The following OR14J1 variants were observed in gnomAD, a reference collection of about 807,000 sequenced individuals.
OR14J1 encodes olfactory receptor 14J1.
For synonymous variants in OR14J1, 140 were observed against 146.7 expected (o/e 0.95, Z 0.33); for missense variants, 378 against 393.4 (o/e 0.96, Z 0.33).
Position 29,307,509 on chromosome 6 carries a change from G to A in OR14J1, c.820G>A (p.Val274Ile), listed in dbSNP as rs765524812. 5.4e-5 allele frequency: 87 copies of A among 1,612,614 alleles called. No homozygotes were observed. The highest frequency in any genetic ancestry group is 3.3e-4 in the Middle Eastern group (2 of 6,082). ...ATCGACTGTGGACCTTGTATTCTCC[G>A]TATTCTATACTGTGATACCTCCAAC... ...SSSTVDLVFS[V>I]FYTVIPPTLN... is the part of the protein sequence containing the mutation. The change falls in exon 2 of 2, where the codon GTA (valine) becomes ATA (isoleucine). Residue 274 changes from valine (V) to isoleucine (I), a missense_variant. Val to Ile is a conservative substitution (Grantham distance 29). Coordinates refer to ENST00000641895, the MANE Select transcript of OR14J1 (RefSeq NM_030946.2).
intron 1 of OR14J1, among the ~76,000 whole-genome samples, chr6:29,304,100 C>T (rs1459480745): frequency 6.6e-6 from 1 of 152,054 alleles, no homozygotes; most frequent in Admixed American, 6.6e-5. Context: ...AACTGAGGGG[C>T]TTAACATATA....
intron 1 of OR14J1, among the ~76,000 whole-genome samples, chr6:29,302,569 A>C (rs1774792016): frequency 6.6e-6 from 1 of 152,008 alleles, no homozygotes; most frequent in Non-Finnish European, 1.5e-5. Context: ...AACCTGATTG[A>C]TTTATTAAGA....
In OR14J1 at chr6:29,308,160, AT is replaced by A. The variant is rs1355171115; in HGVS notation, c.*506del. ...AGAAAACAACTCTTCTAGCTATAACATATTGTCCCCATTTTGCCAATAGGAA... is the reference window on the plus strand; with the variant it reads ...AGAAAACAACTCTTCTAGCTATAACAATTGTCCCCATTTTGCCAATAGGAA... On this transcript the variant is annotated 3_prime_UTR_variant, in exon 2 of 2. Transcript: ENST00000641895. The A allele has an allele frequency of 6.6e-6, 1 of 152,226 alleles. No individual in the cohort carries two copies. The highest frequency in any genetic ancestry group is 2.4e-5 in the African/African-American group (1 of 41,452). 9.4% of individuals were successfully genotyped at this position (152,226 alleles called of 1,614,324 possible).
Position 29,311,415 on chromosome 6 carries a change from A to G in OR14J1, c.*3760A>G, listed in dbSNP as rs1775504780. ...TCTGTTTATGTGATAGATTCCATTT[A>G]TTGATTTGCATATTTGAATCAGCTT... On this transcript the variant is annotated 3_prime_UTR_variant, in exon 2 of 2. Transcript: ENST00000641895. The G allele has an allele frequency of 6.6e-6, 1 of 152,174 alleles. No individual in the cohort carries two copies. The allele number at this position is 152,174 out of a possible 1,614,324, so 9.4% of individuals were successfully genotyped here. A position where few individuals can be genotyped will look rare whatever the true frequency, so the allele number is the denominator to read the frequency against.
At chr6:29,303,730 CT>C (rs374362691) in intron 1 of OR14J1, among the ~76,000 whole-genome samples, 2 of 141,160 alleles carry the variant, frequency 1.4e-5, no homozygotes, top group African/African-American at 2.7e-5. Flanking sequence ...ATCTATCTAT[CT>C]ATCATCTATC....
chr6:29,310,673 G>A lies in OR14J1; in HGVS notation c.*3018G>A, dbSNP rs191697462. 2 of 152,138 alleles carry A rather than the reference G, an allele frequency of 1.3e-5. No homozygotes were observed. Among genetic ancestry groups the A allele is most frequent in the Admixed American group, 6.5e-5 (1 of 15,280 alleles). 9.4% of individuals were successfully genotyped at this position (152,138 alleles called of 1,614,324 possible). On this transcript the variant is annotated 3_prime_UTR_variant, in exon 2 of 2. Transcript: ENST00000641895. ...AGAAAGTCAATGGTAACTTGATGGG[G>A]ATAGCATTGAATCTATAAATTACTT... is the stretch of plus-strand genomic sequence containing the variant.
At chr6:29,306,605 C>A (rs1225462018) in intron 1 of OR14J1, 57 bp from the exon 2 acceptor site, 2 of 796,542 alleles carry the variant, frequency 2.5e-6, no homozygotes, top group South Asian at 1.6e-5. Flanking sequence ...TTACTTGACA[C>A]ACAAATATAT....
chr6:29,307,028 C>T lies in OR14J1; in HGVS notation c.339C>T (p.Leu113=), dbSNP rs1458424905. 1 of 1,613,062 alleles carries T rather than the reference C, an allele frequency of 6.2e-7. No individual in the cohort carries two copies. The highest frequency in any genetic ancestry group is 8.5e-7 in the Non-Finnish European group (1 of 1,180,018). The change falls in exon 2 of 2, where the codon CTC becomes CTT. Residue 113 remains leucine (L), a synonymous_variant. Transcript: ENST00000641895. ...TGGCCTCATCAGAAGTGGCCATTCT[C>T]ACAGTGATGTCTTATGACAGGTACG... The part of the protein sequence containing the change: ...IALASSEVAI[L]TVMSYDRYAA...
chr6:29,302,772 T>A (rs1774803666), intron 1 of OR14J1, among the ~76,000 whole-genome samples: 1 of 152,238 alleles, frequency 6.6e-6, no homozygotes, highest in Admixed American at 6.5e-5. Context: ...CAAGATGTGA[T>A]CTGCATCACC....
Position 29,307,072 on chromosome 6 carries a change from T to C in OR14J1, c.383T>C (p.Leu128Pro). 2 of 1,613,078 alleles carry C rather than the reference T, an allele frequency of 1.2e-6. No homozygotes were observed. Among genetic ancestry groups the C allele is most frequent in the Non-Finnish European group, 1.7e-6 (2 of 1,180,032 alleles). Reference protein sequence around the residue: ...YDRYAAICQPLHYETIMDPRA... With the variant: ...YDRYAAICQPPHYETIMDPRA... ...AGGTACGCAGCAATCTGTCAACCAC[T>C]TCATTATGAGACTATTATGGATCCC... is the stretch of plus-strand genomic sequence containing the variant. The change falls in exon 2 of 2, where the codon CTT (leucine) becomes CCT (proline). Residue 128 changes from leucine to proline, a missense_variant. Coordinates refer to ENST00000641895, the MANE Select transcript of OR14J1 (RefSeq NM_030946.2).
At position 29,308,745 on chromosome 6, in the gene OR14J1, G is replaced by A. The variant is rs951184884; in HGVS notation, c.*1090G>A. ...AGTAAATCAAAGTGCATGTTTTAAT[G>A]ACAAAGGGAATAAGCAATTGCTCAG... On this transcript the variant is annotated 3_prime_UTR_variant, in exon 2 of 2. Transcript: ENST00000641895. The A allele has an allele frequency of 2.0e-5, 3 of 152,160 alleles. No individual in the cohort carries two copies. The highest frequency in any genetic ancestry group is 4.8e-5 in the African/African-American group (2 of 41,438). 9.4% of individuals were successfully genotyped at this position (152,160 alleles called of 1,614,324 possible).
Position 29,308,347 on chromosome 6 carries a change from T to G in OR14J1, c.*692T>G, listed in dbSNP as rs2151196497. 6.6e-6 allele frequency: 1 copy of G among 152,218 alleles called. No homozygotes were observed. Among genetic ancestry groups the G allele is most frequent in the East Asian group, 1.9e-4 (1 of 5,186 alleles). 9.4% of individuals were successfully genotyped at this position (152,218 alleles called of 1,614,324 possible). ...ATTACCCAAATGTGAGTGTGTATGT[T>G]TATGTGTGTGTGTGATGTGTATAAT... is the stretch of plus-strand genomic sequence containing the variant. On this transcript the variant is annotated 3_prime_UTR_variant, in exon 2 of 2. Coordinates refer to ENST00000641895, the MANE Select transcript of OR14J1 (RefSeq NM_030946.2).
chr6:29,302,212 T>G (rs1159541360), intron 1 of OR14J1, among the ~76,000 whole-genome samples: 1 of 134,480 alleles, frequency 7.4e-6, no homozygotes, highest in Non-Finnish European at 1.6e-5. Context: ...CGAGTCTCGC[T>G]CTGTCACCCA....
In OR14J1 at chr6:29,310,738, A is replaced by G. The variant is rs1775446647; in HGVS notation, c.*3083A>G. 6.6e-6 allele frequency: 1 copy of G among 152,068 alleles called. No individual in the cohort carries two copies. Among genetic ancestry groups the G allele is most frequent in the South Asian group, 2.1e-4 (1 of 4,816 alleles). The allele number at this position is 152,068 out of a possible 1,614,324, so 9.4% of individuals were successfully genotyped here. On this transcript the variant is annotated 3_prime_UTR_variant, in exon 2 of 2. Coordinates refer to ENST00000641895, the MANE Select transcript of OR14J1 (RefSeq NM_030946.2). ...ATTTTTCATGATATTTATTCTTCCT[A>G]CCCATGAGGATGGAATGTTTTTCCA...
chr6:29,312,090 T>G lies in OR14J1; in HGVS notation c.*4435T>G, dbSNP rs1335629931. On this transcript the variant is annotated 3_prime_UTR_variant, in exon 2 of 2. Transcript: ENST00000641895. The stretch of plus-strand genomic sequence containing the variant: ...TTCATTGATTTTTTGAATTTTTTTG[T>G]GTGTGTCTCTATCTCCTTCATTTCT... 6.6e-6 allele frequency: 1 copy of G among 152,164 alleles called. No homozygotes were observed. Among genetic ancestry groups the G allele is most frequent in the African/African-American group, 2.4e-5 (1 of 41,432 alleles). The allele number at this position is 152,164 out of a possible 1,614,324, so 9.4% of individuals were successfully genotyped here. A position where few individuals can be genotyped will look rare whatever the true frequency, so the allele number is the denominator to read the frequency against.
intron 1 of OR14J1, among the ~76,000 whole-genome samples, chr6:29,304,895 C>T (rs1774976631): frequency 6.6e-6 from 1 of 152,064 alleles, no homozygotes; most frequent in South Asian, 2.1e-4. Flanking sequence ...ATTTTCAAGC[C>T]AGAGACAGTA....
At position 29,306,685 on chromosome 6, in the gene OR14J1, A is replaced by G. The variant is rs1438678951; in HGVS notation, c.-5A>G. ...AGAGTCACACTTGGTATCTTCAGAG[A>G]GACTATGGTCAATTTGACTTCAATG... is the stretch of plus-strand genomic sequence containing the variant. On this transcript the variant is annotated 5_prime_UTR_variant, in exon 2 of 2. Coordinates refer to ENST00000641895, the MANE Select transcript of OR14J1 (RefSeq NM_030946.2). 6.3e-7 allele frequency: 1 copy of G among 1,587,426 alleles called. No homozygotes were observed. The highest frequency in any genetic ancestry group is 8.6e-7 in the Non-Finnish European group (1 of 1,158,026).
Position 29,311,339 on chromosome 6 carries a change from G to T in OR14J1, c.*3684G>T, listed in dbSNP as rs565464581. On this transcript the variant is annotated 3_prime_UTR_variant, in exon 2 of 2. Coordinates refer to ENST00000641895, the MANE Select transcript of OR14J1 (RefSeq NM_030946.2). Reference sequence around the variant, plus strand: ...GCATGAAGGGCTGCTGAATTTTGTCGAAGGCCTTTTCTGCATCTATTGAGA... The same window carrying T: ...GCATGAAGGGCTGCTGAATTTTGTCTAAGGCCTTTTCTGCATCTATTGAGA... 6.6e-6 allele frequency: 1 copy of T among 152,036 alleles called. No homozygotes were observed. The highest frequency in any genetic ancestry group is 2.4e-5 in the African/African-American group (1 of 41,408). The allele number at this position is 152,036 out of a possible 1,614,324, so 9.4% of individuals were successfully genotyped here. A position where few individuals can be genotyped will look rare whatever the true frequency, so the allele number is the denominator to read the frequency against.
rs1279161696 is a variant in OR14J1, at chr6:29,307,820, T to TCCTC, written c.*171_*174dup. 8.0e-5 allele frequency: 40 copies of TCCTC among 500,336 alleles called. No homozygotes were observed. The highest frequency in any genetic ancestry group is 4.5e-4 in the African/African-American group (23 of 51,130). 31.0% of individuals were successfully genotyped at this position (500,336 alleles called of 1,614,324 possible). On this transcript the variant is annotated 3_prime_UTR_variant, in exon 2 of 2. Coordinates refer to ENST00000641895, the MANE Select transcript of OR14J1 (RefSeq NM_030946.2). ...GTGCTCTAATAATATTAGCTTTCCT[T>TCCTC]CCTCCCTCCAATTCAAGTGTTATTT...
Sources: allele counts gnomAD v4.1 joint callset (sites outside exome capture counted in the v4.1 genomes callset), GRCh38; gene constraint gnomAD v4.1.1; transcripts MANE v1.5; gene names NCBI Gene and HGNC (gene_info 2026-07-23, HGNC 2026-07-21).